The following HIVEP2 variants were observed in gnomAD, a reference collection of about 807,000 sequenced individuals.
HIVEP2 encodes transcription factor HIVEP2.
HIVEP2 carries 14 observed loss-of-function variants against 180.7 expected under a neutral mutation model. The observed-to-expected ratio is 0.08, with a 90% CI of 0.05 to 0.12. The LOEUF is 0.12. HIVEP2 is among the 10% of genes least tolerant of loss of function. The probability of loss-of-function intolerance (pLI) is 1.00; values close to 1 mark genes in which losing one functional copy is unlikely to be tolerated. For missense variants in HIVEP2, 2,579 were observed against 3,008.5 expected (o/e 0.86, Z 3.34); for synonymous variants, 1,184 against 1,136.4 (o/e 1.04, Z -0.84).
At chr6:142,765,563 G>C (rs906398938) in intron 6 of HIVEP2, among the ~76,000 whole-genome samples, 2 of 152,160 alleles carry the variant, frequency 1.3e-5, no homozygotes, top group Admixed American at 6.5e-5. Flanking sequence ...CTACAGATTT[G>C]ATCTGCTCTT....
chr6:142,872,723 A>G (rs1003390513), intron 1 of HIVEP2, among the ~76,000 whole-genome samples: 2 of 152,210 alleles, frequency 1.3e-5, no homozygotes, highest in African/African-American at 4.8e-5. Context: ...ATCTAAACCC[A>G]GAGATATGAA....
intron 1 of HIVEP2, among the ~76,000 whole-genome samples, chr6:142,851,638 A>C (rs562513931): frequency 3.0e-4 from 45 of 152,350 alleles, no homozygotes; most frequent in African/African-American, 1.0e-3. Flanking sequence ...GAGTTTTTTA[A>C]TCCTTTAAGC....
At chr6:142,906,652 T>C (rs1582956834) in intron 1 of HIVEP2, among the ~76,000 whole-genome samples, 1 of 152,094 alleles carries the variant, frequency 6.6e-6, no homozygotes, top group East Asian at 1.9e-4. Flanking sequence ...AGGGGATTTT[T>C]AGAAAATTGT....
intron 1 of HIVEP2, among the ~76,000 whole-genome samples, chr6:142,843,640 C>A (rs553890892): frequency 1.3e-5 from 2 of 152,316 alleles, no homozygotes; most frequent in Non-Finnish European, 2.9e-5. Flanking sequence ...TCATTGGAAG[C>A]TTTTAATCAG....
At chr6:142,807,561 T>G (rs1440701578) in intron 2 of HIVEP2, among the ~76,000 whole-genome samples, 1 of 152,012 alleles carries the variant, frequency 6.6e-6, no homozygotes, top group East Asian at 1.9e-4. Flanking sequence ...GATACCCACG[T>G]TCTCATAAAA....
intron 1 of HIVEP2, among the ~76,000 whole-genome samples, chr6:142,893,545 A>G (rs1776912033): frequency 1.3e-5 from 2 of 152,206 alleles, no homozygotes; most frequent in African/African-American, 4.8e-5. Context: ...TGAAATTTAC[A>G]AAGGTTTAGT....
intron 2 of HIVEP2, 96 bp from the exon 3 acceptor site, chr6:142,783,711 T>G (rs954006938): frequency 6.6e-6 from 1 of 152,126 alleles, no homozygotes; most frequent in Non-Finnish European, 1.5e-5. Flanking sequence ...CTGCCTTCCT[T>G]TAGGAAAGAA....
In HIVEP2 at chr6:142,808,293, C is replaced by T. The variant is rs117302867; in HGVS notation, c.-527-24678G>A. 2.8e-3 allele frequency among the ~76,000 whole-genome samples: 421 copies of T among 152,074 alleles called. 1 individual carries two copies. The highest frequency in any genetic ancestry group is 6.5e-3 in the Admixed American group (100 of 15,274). ...CATGAAACTTGATACACAAGAAATG[C>T]TCTGTAAATATGTCTGTGGGTGAAT... is the stretch of plus-strand genomic sequence containing the variant. On this transcript the variant is annotated intron_variant, in intron 2 of 9. Transcript: ENST00000367603.
chr6:142,830,099 C>T (rs1272008314), intron 2 of HIVEP2, among the ~76,000 whole-genome samples: 36 of 152,192 alleles, frequency 2.4e-4, no homozygotes, highest in Non-Finnish European at 1.0e-4. Flanking sequence ...AATCAACTCA[C>T]TGCTACCATC....
rs1300884088 is a variant in HIVEP2, at chr6:142,770,483, G to T, written c.4256C>A (p.Ser1419Tyr). 1.2e-6 allele frequency: 2 copies of T among 1,614,084 alleles called. No homozygotes were observed. The highest frequency in any genetic ancestry group is 1.7e-6 in the Non-Finnish European group (2 of 1,180,038). The change falls in exon 5 of 10, where the codon TCC becomes TAC. Residue 1419 changes from serine to tyrosine, a missense_variant. Transcript: ENST00000367603. This position sits in a 1 kb window ranked among gnomAD's most constrained non-coding sequence, Gnocchi z 4.7. ...GGAAGGTAAACACAAGGGGATGGAGGATTCTAAGCCGAGGGGCAAAGTCTG... is the reference window on the plus strand; with the variant it reads ...GGAAGGTAAACACAAGGGGATGGAGTATTCTAAGCCGAGGGGCAAAGTCTG... Reference protein sequence around the residue: ...APQTLPLGLESSIPLCLPSTS... With the variant: ...APQTLPLGLEYSIPLCLPSTS...
intron 9 of HIVEP2, among the ~76,000 whole-genome samples, chr6:142,756,973 T>A (rs963098888): frequency 6.6e-6 from 1 of 152,172 alleles, no homozygotes; most frequent in Non-Finnish European, 1.5e-5. Context: ...AGAACTGGTA[T>A]ATAGATGTAT....
chr6:142,886,817 C>G (rs181289786), intron 1 of HIVEP2, among the ~76,000 whole-genome samples: 3 of 152,302 alleles, frequency 2.0e-5, no homozygotes, highest in Admixed American at 2.0e-4. Flanking sequence ...GGGCTTTACT[C>G]TGGAGGGCAG....
Position 142,770,770 on chromosome 6 carries a change from A to G in HIVEP2, c.3969T>C (p.Ala1323=), listed in dbSNP as rs1391707606. ...TTCCTGGGAGGGACTGCAAAGACCC[A>G]GCATTTGCCGAGGCAAAATCTTCTT... ...VLQEDFASAN[A]GSLQSLPGTV... The change falls in exon 5 of 10, where the codon GCT becomes GCC. Residue 1323 remains alanine, a synonymous_variant. Transcript: ENST00000367603. This position sits in a 1 kb window ranked among gnomAD's most constrained non-coding sequence, Gnocchi z 4.7. 2 of 1,614,232 alleles carry G rather than the reference A, an allele frequency of 1.2e-6. No individual in the cohort carries two copies. The highest frequency in any genetic ancestry group is 1.3e-5 in the African/African-American group (1 of 75,068).
Position 142,753,607 on chromosome 6 carries a change from G to T in HIVEP2, c.6841C>A (p.Gln2281Lys), listed in dbSNP as rs1447130698. 1 of 1,614,184 alleles carries T rather than the reference G, an allele frequency of 6.2e-7. No homozygotes were observed. The highest frequency in any genetic ancestry group is 1.7e-5 in the Admixed American group (1 of 60,026). The change falls in exon 10 of 10, where the codon CAG (glutamine) becomes AAG (lysine). Residue 2281 changes from glutamine (Q) to lysine (K), a missense_variant. Coordinates refer to ENST00000367603, the MANE Select transcript of HIVEP2 (RefSeq NM_006734.4). ...GCGTGAGGACCTCGCTTCTCATGCT[G>T]CTTAGAAAGCACATAGGGGTCCTTG... ...FSKDPYVLSK[Q>K]HEKRGPHALQ...
At chr6:142,816,967 A>C (rs1021614151) in intron 2 of HIVEP2, among the ~76,000 whole-genome samples, 7 of 152,040 alleles carry the variant, frequency 4.6e-5, no homozygotes, top group African/African-American at 1.4e-4. Context: ...GTGTTGAAGA[A>C]TGACAGCTCC....
At chr6:142,919,154 A>G (rs1477220309) in intron 1 of HIVEP2, among the ~76,000 whole-genome samples, 1 of 152,182 alleles carries the variant, frequency 6.6e-6, no homozygotes. Flanking sequence ...TTACAGTTAC[A>G]AAAACACAAG....
In HIVEP2 at chr6:142,943,891, C is replaced by T. The variant is rs752953639; in HGVS notation, c.-641+1208G>A. On this transcript the variant is annotated intron_variant, in intron 1 of 9. Transcript: ENST00000367603. The surrounding 1 kb of genome is among the most constrained non-coding windows in gnomAD (Gnocchi z 4.5). Reference sequence around the variant, plus strand: ...ATTATCAAGAGATTCCTCTGGTCTCCTCGAAGTCATCCCCAGCGCCCCCCA... The same window carrying T: ...ATTATCAAGAGATTCCTCTGGTCTCTTCGAAGTCATCCCCAGCGCCCCCCA... 6.6e-6 allele frequency among the ~76,000 whole-genome samples: 1 copy of T among 152,132 alleles called. No individual in the cohort carries two copies. The highest frequency in any genetic ancestry group is 1.5e-5 in the Non-Finnish European group (1 of 68,028).
rs184866087 is a variant in HIVEP2, at chr6:142,792,358, T to C, written c.-527-8743A>G. ...AGTAATAAGATAATGGAATAAACTC[T>C]TTAAAAAGTGGGATACTATGCAGCC... is the stretch of plus-strand genomic sequence containing the variant. On this transcript the variant is annotated intron_variant, in intron 2 of 9. Transcript: ENST00000367603. Among the ~76,000 whole-genome samples, 65 of 152,284 alleles carry C rather than the reference T, an allele frequency of 4.3e-4. 3 individuals carry two copies. Among genetic ancestry groups the C allele is most frequent in the African/African-American group, 1.5e-3 (63 of 41,558 alleles).
chr6:142,941,978 C>T (rs1778189082), intron 1 of HIVEP2, among the ~76,000 whole-genome samples: 1 of 152,154 alleles, frequency 6.6e-6, no homozygotes, highest in Non-Finnish European at 1.5e-5. Context: ...AGATGAGCAG[C>T]CTGTCTGATC....
Sources: allele counts gnomAD v4.1 joint callset (sites outside exome capture counted in the v4.1 genomes callset), GRCh38; gene constraint gnomAD v4.1.1; non-coding constraint Gnocchi (gnomAD v3.1); transcripts MANE v1.5; gene names NCBI Gene and HGNC (gene_info 2026-07-23, HGNC 2026-07-21).